Variants in SYBU observed in about 807,000 individuals in gnomAD.
SYBU encodes the protein GOLSYN A protein.
Under a neutral mutation model 35.9 loss-of-function variants are expected in SYBU, and 21 were observed. The observed-to-expected ratio is 0.58, with a 90% CI of 0.41 to 0.84. SYBU has a LOEUF of 0.84. SYBU is among the 40% of genes least tolerant of loss of function. The pLI is 0.00. For synonymous variants in SYBU, 319 were observed against 324.3 expected (o/e 0.98, Z 0.18); for missense variants, 768 against 848.2 (o/e 0.91, Z 1.17).
intron 3 of SYBU, among the ~76,000 whole-genome samples, chr8:109,602,429 AT>A (rs751669435): frequency 0.03 from 4,015 of 132,608 alleles, 110 homozygotes; most frequent in African/African-American, 0.089. Context: ...CCTCTGTGTA[AT>A]TTTTTTTTTT....
intron 3 of SYBU, among the ~76,000 whole-genome samples, chr8:109,594,133 A>G (rs963179654): frequency 6.6e-6 from 1 of 152,188 alleles, no homozygotes; most frequent in Admixed American, 6.5e-5. Flanking sequence ...AGGAAAACCT[A>G]CATCAGGAAG....
intron 1 of SYBU, among the ~76,000 whole-genome samples, chr8:109,653,527 G>C (rs943600797): frequency 6.6e-6 from 1 of 152,138 alleles, no homozygotes; most frequent in Non-Finnish European, 1.5e-5. Context: ...CCGAAGCTGA[G>C]CATGGTGGGA....
intron 3 of SYBU, among the ~76,000 whole-genome samples, chr8:109,605,678 T>C (rs1402776221): frequency 6.6e-6 from 1 of 152,210 alleles, no homozygotes; most frequent in African/African-American, 2.4e-5. Context: ...ACATATGGCA[T>C]TGGTTTTATG....
rs370859769 is a variant in SYBU at position 109,618,969 on chromosome 8, G to T, written c.300C>A (p.Pro100=). 38 of 1,614,056 alleles carry T rather than the reference G, an allele frequency of 2.4e-5. No homozygotes were observed. The African/African-American group carries it at 4.8e-4, about 20-fold the overall frequency. Residue 100 remains proline, a synonymous_variant, in exon 3 of 7, where the codon CCC becomes CCA. Coordinates refer to ENST00000276646, the MANE Select transcript of SYBU (RefSeq NM_001099754.2). ...VKTPSDAGNS[P]IGFCPGSDEG... is the part of the protein sequence containing the mutation. Reference sequence around the variant, plus strand: ...CATCACTTCCAGGGCAAAAGCCAATGGGGCTGTTTCCAGCATCTGAGGGTG... The same window carrying T: ...CATCACTTCCAGGGCAAAAGCCAATTGGGCTGTTTCCAGCATCTGAGGGTG...
chr8:109,628,707 G>A (rs781680812), intron 2 of SYBU, among the ~76,000 whole-genome samples: 20 of 151,912 alleles, frequency 1.3e-4, no homozygotes, highest in South Asian at 4.2e-4. Flanking sequence ...CTATAGTCCC[G>A]GCTATGCAGG....
chr8:109,626,765 C>T (rs1241915724), intron 2 of SYBU, among the ~76,000 whole-genome samples: 1 of 152,124 alleles, frequency 6.6e-6, no homozygotes, highest in East Asian at 1.9e-4. Flanking sequence ...CAAAAATTAG[C>T]TGGGCATGAT....
chr8:109,662,554 G>T (rs1307322369), intron 1 of SYBU, among the ~76,000 whole-genome samples: 1 of 152,106 alleles, frequency 6.6e-6, no homozygotes, highest in Admixed American at 6.6e-5. Flanking sequence ...CTCTGACATG[G>T]TTCTCTGCAG....
At chr8:109,652,228 G>T (rs1321965764) in intron 1 of SYBU, among the ~76,000 whole-genome samples, 2 of 152,220 alleles carry the variant, frequency 1.3e-5, no homozygotes, top group African/African-American at 4.8e-5. Flanking sequence ...GGTCTGAGAT[G>T]TTCAGGGGTG....
rs1222336250 is a variant in SYBU at position 109,644,776 on chromosome 8, T to C, written c.-117A>G. 1.1e-5 allele frequency: 12 copies of C among 1,055,830 alleles called. No homozygotes were observed. Among genetic ancestry groups the C allele is most frequent in the South Asian group, 2.4e-5 (1 of 42,010 alleles). 65.4% of individuals were successfully genotyped at this position (1,055,830 alleles called of 1,614,324 possible). On this transcript the variant is annotated 5_prime_UTR_variant, in exon 1 of 7. Transcript: ENST00000276646. The stretch of plus-strand genomic sequence containing the variant: ...GGCGCGGGCTGCGGGCGGCGGCTCT[T>C]GGTGAGGCTCCAACGCGCCGCCGCC...
At chr8:109,582,335 T>C (rs965354555) in intron 4 of SYBU, among the ~76,000 whole-genome samples, 10 of 152,180 alleles carry the variant, frequency 6.6e-5, no homozygotes, top group South Asian at 2.1e-4. Context: ...AATGCTAACA[T>C]GTATAGGTGC....
At chr8:109,616,696 C>CTT (rs34415660) in intron 3 of SYBU, among the ~76,000 whole-genome samples, 3 of 141,652 alleles carry the variant, frequency 2.1e-5, no homozygotes, top group Non-Finnish European at 4.6e-5. Flanking sequence ...ATGAAACATA[C>CTT]TTTTTTTTTT....
Position 109,644,652 on chromosome 8 carries a change from G to A in SYBU, c.8C>T (p.Pro3Leu). 6.5e-7 allele frequency: 1 copy of A among 1,527,432 alleles called. No individual in the cohort carries two copies. The highest frequency in any genetic ancestry group is 1.4e-5 in the African/African-American group (1 of 70,606). 94.6% of individuals were successfully genotyped at this position (1,527,432 alleles called of 1,614,324 possible). A position where few individuals can be genotyped will look rare whatever the true frequency, so the allele number is the denominator to read the frequency against. The change falls in exon 1 of 7, where the codon CCC becomes CTC. Residue 3 changes from proline (P) to leucine (L), a missense_variant. Pro to Leu is a moderately conservative substitution (Grantham distance 98, BLOSUM62 -3). Coordinates refer to ENST00000276646, the MANE Select transcript of SYBU (RefSeq NM_001099754.2). Reference protein sequence around the residue: MGPLRESKKEHRV... With the variant: MGLLRESKKEHRV... ...GCTCCTTACCTTGCTCTCGCGGAGGGGCCCCATCGCGCCGCTGCCCGCCGG... is the reference window on the plus strand; with the variant it reads ...GCTCCTTACCTTGCTCTCGCGGAGGAGCCCCATCGCGCCGCTGCCCGCCGG...
At chr8:109,583,949 C>T (rs1285553960) in intron 4 of SYBU, among the ~76,000 whole-genome samples, 2 of 151,950 alleles carry the variant, frequency 1.3e-5, no homozygotes, top group Admixed American at 6.6e-5. Context: ...GCTGGGATAA[C>T]AGGCACCCAC....
rs538047698 is a variant in SYBU at position 109,611,663 on chromosome 8, A to C, written c.427+7179T>G. ...GACAAACTCTAATGATTTTCATTTA[A>C]GAAAATATTCATGATATGCAGGGTA... On this transcript the variant is annotated intron_variant, in intron 3 of 6. Coordinates refer to ENST00000276646, the MANE Select transcript of SYBU (RefSeq NM_001099754.2). 5.3e-5 allele frequency among the ~76,000 whole-genome samples: 8 copies of C among 152,366 alleles called. 1 individual carries two copies. The East Asian group carries it at 9.6e-4, about 18-fold the overall frequency.
At chr8:109,680,879 A>G (rs1817378288) in exon 1 of SYBU, 1 of 152,262 alleles carries the variant, frequency 6.6e-6, no homozygotes. Flanking sequence ...ACTAATGTGT[A>G]CTGCTTCCGG....
chr8:109,647,936 C>G (rs1034880980), upstream of SYBU: 2 of 152,148 alleles, frequency 1.3e-5, no homozygotes, highest in Non-Finnish European at 2.9e-5. Flanking sequence ...TTCTAAAAGG[C>G]AAGTTTTACC....
At chr8:109,650,400 C>G (rs1392071438) in intron 1 of SYBU, among the ~76,000 whole-genome samples, 3 of 152,136 alleles carry the variant, frequency 2.0e-5, no homozygotes, top group African/African-American at 4.8e-5. Context: ...AAGAGGAAGA[C>G]TTTGAGTGTC....
At chr8:109,603,829 A>G (rs370387795) in intron 3 of SYBU, among the ~76,000 whole-genome samples, 20 of 152,358 alleles carry the variant, frequency 1.3e-4, no homozygotes, top group African/African-American at 4.8e-4. Context: ...ATTTCAGTAC[A>G]GTGGTTACCC....
chr8:109,644,143 G>A (rs1815286201), intron 1 of SYBU: 1 of 458,836 alleles, frequency 2.2e-6, no homozygotes, highest in South Asian at 1.5e-5. Flanking sequence ...ACTTCGGAGG[G>A]CCCTCAGGCA....
Sources: allele counts gnomAD v4.1 joint callset (sites outside exome capture counted in the v4.1 genomes callset), GRCh38; gene constraint gnomAD v4.1.1; transcripts MANE v1.5; gene names NCBI Gene and HGNC (gene_info 2026-07-23, HGNC 2026-07-21).